PAPPA: variants seen among roughly 807,000 people sequenced by gnomAD.
PAPPA encodes pappalysin 1.
PAPPA carries 60 observed loss-of-function variants against 164.0 expected under a neutral mutation model. The observed-to-expected ratio is 0.37, with a 90% CI of 0.30 to 0.45. The LOEUF (loss-of-function observed/expected upper bound fraction) is 0.45, where lower values mean the gene tolerates loss of function less well. PAPPA is among the 20% of genes least tolerant of loss of function. The pLI is 1.00. For synonymous variants in PAPPA, 875 were observed against 814.1 expected, an observed-to-expected ratio of 1.07 and a Z score of -1.27; for missense variants, 1,782 against 2,087.3, an observed-to-expected ratio of 0.85 and a Z score of 2.85.
At chr9:116,168,052 C>A (rs993589686) in intron 1 of PAPPA, among the ~76,000 whole-genome samples, 9 of 152,130 alleles carry the variant, frequency 5.9e-5, no homozygotes, top group Admixed American at 4.6e-4. Context: ...CTTTATTTTC[C>A]TTTACAGTGT....
At chr9:116,325,377 A>G (rs1228799891) in intron 10 of PAPPA, among the ~76,000 whole-genome samples, 1 of 152,114 alleles carries the variant, frequency 6.6e-6, no homozygotes, top group African/African-American at 2.4e-5. Flanking sequence ...TGGGGCCCTT[A>G]AAGGTCATTC....
intron 13 of PAPPA, among the ~76,000 whole-genome samples, chr9:116,335,942 A>G (rs1846055912): frequency 6.6e-6 from 1 of 152,200 alleles, no homozygotes; most frequent in Non-Finnish European, 1.5e-5. Flanking sequence ...AATATTTATA[A>G]CCATCTTTTG....
chr9:116,210,395 A>C (rs560455139), intron 3 of PAPPA, among the ~76,000 whole-genome samples: 2 of 152,290 alleles, frequency 1.3e-5, no homozygotes, highest in South Asian at 4.1e-4. Flanking sequence ...CCAGAGGTTC[A>C]GTCTAAGATA....
At chr9:116,180,817 G>C (rs562898050) in intron 1 of PAPPA, among the ~76,000 whole-genome samples, 54 of 152,098 alleles carry the variant, frequency 3.6e-4, no homozygotes, top group Non-Finnish European at 5.6e-4. Flanking sequence ...CCTCAGCTGT[G>C]GGGGAGCTTT....
chr9:116,230,103 G>A (rs1424811299), intron 6 of PAPPA, among the ~76,000 whole-genome samples: 4 of 152,104 alleles, frequency 2.6e-5, no homozygotes, highest in African/African-American at 9.7e-5. Flanking sequence ...GAGCCAATTC[G>A]GAGCTCCAAG....
chr9:116,325,911 C>A (rs1037110934), intron 10 of PAPPA, among the ~76,000 whole-genome samples: 2 of 152,154 alleles, frequency 1.3e-5, no homozygotes, highest in Non-Finnish European at 2.9e-5. Context: ...TATTGCCGTG[C>A]AAGATACCTC....
Position 116,226,346 on chromosome 9 carries a change from G to A in PAPPA, c.2112-1085G>A, listed in dbSNP as rs188492956. Among the ~76,000 whole-genome samples, 4 of 152,292 alleles carry A rather than the reference G, an allele frequency of 2.6e-5. No individual in the cohort carries two copies. The East Asian group carries it at 7.7e-4, about 29-fold the overall frequency. ...ACACTCTGATGCTCACAAGCACACG[G>A]TTCCTGACTGTGTGAGCCCAGAGGC... On this transcript the variant is annotated intron_variant, in intron 5 of 21. Coordinates refer to ENST00000328252, the MANE Select transcript of PAPPA (RefSeq NM_002581.5).
At chr9:116,350,182 T>G (rs1846263732) in intron 15 of PAPPA, among the ~76,000 whole-genome samples, 1 of 152,174 alleles carries the variant, frequency 6.6e-6, no homozygotes, top group Non-Finnish European at 1.5e-5. Flanking sequence ...ACCAGTATAA[T>G]AAGCATCCAT....
intron 2 of PAPPA, among the ~76,000 whole-genome samples, chr9:116,197,795 A>T (rs779258973): frequency 3.9e-5 from 6 of 152,212 alleles, no homozygotes; most frequent in African/African-American, 1.4e-4. Flanking sequence ...GCCTAAGGTT[A>T]GGTGATTTGT....
chr9:116,351,264 CT>C (rs1295504586), intron 15 of PAPPA, among the ~76,000 whole-genome samples: 1 of 152,030 alleles, frequency 6.6e-6, no homozygotes, highest in Non-Finnish European at 1.5e-5. Context: ...AGAATAAGCA[CT>C]AAATAGATAT....
chr9:116,169,292 G>A (rs1043689504), intron 1 of PAPPA, among the ~76,000 whole-genome samples: 1 of 135,084 alleles, frequency 7.4e-6, no homozygotes, highest in Non-Finnish European at 1.6e-5. Flanking sequence ...GCTGTCCTTC[G>A]GCCTCTCCAA....
chr9:116,340,555 G>C (rs1478213347), intron 13 of PAPPA, among the ~76,000 whole-genome samples: 1 of 152,242 alleles, frequency 6.6e-6, no homozygotes. Context: ...AGGTGAAACA[G>C]AGTGGCCAAT....
rs750168710 is a variant in PAPPA, at chr9:116,302,795, G to A, written c.2992G>A (p.Val998Ile). 5.0e-6 allele frequency: 8 copies of A among 1,613,924 alleles called. No individual in the cohort carries two copies. The South Asian group carries it at 7.7e-5, about 16-fold the overall frequency. The change falls in exon 10 of 22, where the codon GTA becomes ATA. Residue 998 changes from valine to isoleucine, a missense_variant. Transcript: ENST00000328252. Reference protein sequence around the residue: ...SRCYFHDGDGVCEEFEQKTSI... With the variant: ...SRCYFHDGDGICEEFEQKTSI... ...GTGCTATTTCCATGATGGTGATGGGGTATGTGAGGAGTTTGAACAAAAAAC... is the reference window on the plus strand; with the variant it reads ...GTGCTATTTCCATGATGGTGATGGGATATGTGAGGAGTTTGAACAAAAAAC...
chr9:116,194,671 G>A (rs1008332101), intron 2 of PAPPA, among the ~76,000 whole-genome samples: 1 of 152,114 alleles, frequency 6.6e-6, no homozygotes, highest in African/African-American at 2.4e-5. Flanking sequence ...GGCATGTCAT[G>A]GCACTCAAAT....
chr9:116,281,872 C>G (rs1845272376), intron 9 of PAPPA, among the ~76,000 whole-genome samples: 1 of 152,160 alleles, frequency 6.6e-6, no homozygotes, highest in South Asian at 2.1e-4. Context: ...TTTCCCAAGG[C>G]TACGGGAAGG....
intron 10 of PAPPA, among the ~76,000 whole-genome samples, chr9:116,326,658 T>G (rs1221216729): frequency 6.6e-6 from 1 of 152,352 alleles, no homozygotes; most frequent in South Asian, 2.1e-4. Context: ...ACTATAGGAA[T>G]AATGTTTTAC....
chr9:116,212,072 C>T (rs907292597), intron 4 of PAPPA, 140 bp downstream of exon 4: 1 of 717,310 alleles, frequency 1.4e-6, no homozygotes, highest in Middle Eastern at 4.0e-4. Context: ...CACCTAATGT[C>T]TTTCGGTCAT....
At chr9:116,220,358 G>T (rs1489003947) in intron 5 of PAPPA, among the ~76,000 whole-genome samples, 1 of 151,954 alleles carries the variant, frequency 6.6e-6, no homozygotes, top group Non-Finnish European at 1.5e-5. Flanking sequence ...TGGGTACTTA[G>T]ATTCACTTTG....
intron 6 of PAPPA, among the ~76,000 whole-genome samples, chr9:116,232,324 G>A (rs550981616): frequency 5.3e-5 from 8 of 151,998 alleles, no homozygotes; most frequent in African/African-American, 7.3e-5. Context: ...TTGTTAATAC[G>A]TCCCTACTTT....
Sources: allele counts gnomAD v4.1 joint callset (sites outside exome capture counted in the v4.1 genomes callset), GRCh38; gene constraint gnomAD v4.1.1; transcripts MANE v1.5; gene names NCBI Gene and HGNC (gene_info 2026-07-23, HGNC 2026-07-21).